WRNIP1: variants seen among roughly 807,000 people sequenced by gnomAD.
WRNIP1 encodes the protein ATPase WRNIP1.
WRNIP1 carries 41 observed loss-of-function variants against 56.1 expected under a neutral mutation model. The observed-to-expected ratio is 0.73, with a 90% CI of 0.57 to 0.95. The LOEUF (loss-of-function observed/expected upper bound fraction) is 0.95. WRNIP1 is among the 40% of genes least tolerant of loss of function. The pLI, the probability that WRNIP1 is intolerant of heterozygous loss-of-function variation, is 0.00. For missense variants in WRNIP1, 1,170 were observed against 939.4 expected (o/e 1.25, Z -3.21); for synonymous variants, 547 against 398.1 (o/e 1.37, Z -4.45).
At chr6:2,773,676 G>C in intron 3 of WRNIP1, 8 of 985,328 alleles carry the variant, frequency 8.1e-6, no homozygotes, top group Non-Finnish European at 9.6e-6. Flanking sequence ...AAATGAAAAA[G>C]TAAGCTAGCA....
intron 4 of WRNIP1, among the ~76,000 whole-genome samples, chr6:2,780,017 ATC>A (rs1312000261): frequency 1.3e-5 from 2 of 151,916 alleles, no homozygotes; most frequent in African/African-American, 4.9e-5. Context: ...GTGTGCACTT[ATC>A]TGTTTTTGTA....
intron 2 of WRNIP1, among the ~76,000 whole-genome samples, chr6:2,769,672 A>G (rs1765192060): frequency 6.6e-6 from 1 of 152,174 alleles, no homozygotes; most frequent in Admixed American, 6.5e-5. Flanking sequence ...TCCCCATAAA[A>G]CAGCATAATA....
In WRNIP1 at chr6:2,770,290, C is replaced by G; in HGVS notation, c.1185C>G (p.Ser395=). ...MVTILMRAIN[S]LGIHVLDSSR... is the part of the protein sequence containing the mutation. The stretch of plus-strand genomic sequence containing the variant: ...CTATTTTAATGCGAGCGATCAACTC[C>G]CTGGGAATCCACGTCCTAGACTCTA... Residue 395 remains serine (S), a synonymous_variant, in exon 3 of 7, where the codon TCC becomes TCG. Coordinates refer to ENST00000380773, the MANE Select transcript of WRNIP1 (RefSeq NM_020135.3). 1 of 1,614,138 alleles carries G rather than the reference C, an allele frequency of 6.2e-7. No homozygotes were observed. The highest frequency in any genetic ancestry group is 8.5e-7 in the Non-Finnish European group (1 of 1,180,018).
chr6:2,765,530 C>CG lies in WRNIP1; in HGVS notation c.-92dup. 1 of 1,304,784 alleles carries CG rather than the reference C, an allele frequency of 7.7e-7. No homozygotes were observed. Among genetic ancestry groups the CG allele is most frequent in the South Asian group, 2.1e-5 (1 of 48,480 alleles). 80.8% of individuals were successfully genotyped at this position (1,304,784 alleles called of 1,614,324 possible). A position where few individuals can be genotyped will look rare whatever the true frequency, so the allele number is the denominator to read the frequency against. ...CTGCTGGTTCCCCGAGCGAGGGTCTCGCGGCGCGGGGCCTAGCGGAGGGCA... is the reference window on the plus strand; with the variant it reads ...CTGCTGGTTCCCCGAGCGAGGGTCTCGGCGGCGCGGGGCCTAGCGGAGGGCA... On this transcript the variant is annotated 5_prime_UTR_variant, in exon 1 of 7. The change abolishes the stop of an existing upstream ORF in the 5' untranslated region. Transcript: ENST00000380773.
chr6:2,773,166 T>G (rs1313391748), intron 3 of WRNIP1: 1 of 985,312 alleles, frequency 1.0e-6, no homozygotes, highest in Non-Finnish European at 1.2e-6. Flanking sequence ...CCCATTAAAG[T>G]GAAATAAGTG....
At chr6:2,781,890 A>G (rs543657945) in intron 4 of WRNIP1, among the ~76,000 whole-genome samples, 1 of 152,332 alleles carries the variant, frequency 6.6e-6, no homozygotes, top group East Asian at 1.9e-4. Context: ...CCTGAGGCAC[A>G]GTGAGGATCA....
At position 2,768,760 on chromosome 6, in the gene WRNIP1, A is replaced by G. The variant is rs1765145461; in HGVS notation, c.892A>G (p.Thr298Ala). Residue 298 changes from threonine (T) to alanine (A), a missense_variant, in exon 2 of 7, where the codon ACA becomes GCA. Physicochemically the swap from Thr to Ala is moderately conservative, Grantham distance 58. Transcript: ENST00000380773. ...HSIRFVTLSA[T>A]NAKTNDVRDV... ...CATAAGGTTTGTGACATTATCTGCAACAAATGCCAAGACAAATGATGTGCG... is the reference window on the plus strand; with the variant it reads ...CATAAGGTTTGTGACATTATCTGCAGCAAATGCCAAGACAAATGATGTGCG... The G allele has an allele frequency of 1.9e-6, 3 of 1,613,940 alleles. No individual in the cohort carries two copies. Among genetic ancestry groups the G allele is most frequent in the Non-Finnish European group, 2.5e-6 (3 of 1,179,958 alleles).
At chr6:2,777,014 C>G (rs769884043) in intron 3 of WRNIP1, among the ~76,000 whole-genome samples, 7 of 151,970 alleles carry the variant, frequency 4.6e-5, no homozygotes, top group Non-Finnish European at 7.4e-5. Flanking sequence ...AAAATATGGT[C>G]CCAGTTTTTG....
Position 2,766,285 on chromosome 6 carries a change from G to T in WRNIP1, c.663G>T (p.Met221Ile), listed in dbSNP as rs1764978315. 2 of 1,594,478 alleles carry T rather than the reference G, an allele frequency of 1.3e-6. No homozygotes were observed. Among genetic ancestry groups the T allele is most frequent in the Non-Finnish European group, 1.7e-6 (2 of 1,171,900 alleles). Residue 221 changes from methionine (M) to isoleucine (I), a missense_variant, in exon 1 of 7, where the codon ATG becomes ATT. Coordinates refer to ENST00000380773, the MANE Select transcript of WRNIP1 (RefSeq NM_020135.3). ...TGGCTGCCGAGGAGATCCGACAGAT[G>T]CTACAGGGCAAGCCGCTGGCCGACA... Reference protein sequence around the residue: ...RALAAEEIRQMLQGKPLADTM... With the variant: ...RALAAEEIRQILQGKPLADTM...
intron 5 of WRNIP1, 92 bp downstream of exon 5, chr6:2,783,653 T>TTTTTTTTGGGGG: frequency 1.2e-4 from 15 of 120,100 alleles, no homozygotes; most frequent in Admixed American, 5.7e-4. Context: ...TTTTTTTTTT[T>TTTTTTTTGGGGG]GCAGGGCGGG....
Position 2,770,214 on chromosome 6 carries a change from G to A in WRNIP1, c.1109G>A (p.Ser370Asn). The stretch of plus-strand genomic sequence containing the variant: ...TTCCAGGTCAACGCTGCTCTTCTGA[G>A]CCGCTGTCGAGTGATTGTTCTTGAG... Reference protein sequence around the residue: ...PSFQVNAALLSRCRVIVLEKL... With the variant: ...PSFQVNAALLNRCRVIVLEKL... The change falls in exon 3 of 7, where the codon AGC becomes AAC. Residue 370 changes from serine to asparagine, a missense_variant. Coordinates refer to ENST00000380773, the MANE Select transcript of WRNIP1 (RefSeq NM_020135.3). The A allele has an allele frequency of 6.2e-7, 1 of 1,614,214 alleles. No homozygotes were observed. The highest frequency in any genetic ancestry group is 8.5e-7 in the Non-Finnish European group (1 of 1,180,036).
intron 3 of WRNIP1, 131 bp downstream of exon 3, chr6:2,770,492 G>A (rs1561910435): frequency 7.6e-7 from 1 of 1,307,642 alleles, no homozygotes; most frequent in Non-Finnish European, 1.0e-6. Flanking sequence ...CGCCCGTAAT[G>A]AAAATAAAAG....
Position 2,783,858 on chromosome 6 carries a change from A to G in WRNIP1, c.1642+297A>G, listed in dbSNP as rs1167138814. The stretch of plus-strand genomic sequence containing the variant: ...ATGAGTGGCTATTCAGAGTATTGCA[A>G]TAGATGAGCTGCTTTTAAATTTGCT... On this transcript the variant is annotated intron_variant, in intron 5 of 6. Coordinates refer to ENST00000380773, the MANE Select transcript of WRNIP1 (RefSeq NM_020135.3). Among the ~76,000 whole-genome samples, 16 of 152,104 alleles carry G rather than the reference A, an allele frequency of 1.1e-4. 1 individual carries two copies. Among genetic ancestry groups the G allele is most frequent in the Non-Finnish European group, 8.8e-5 (6 of 68,032 alleles).
At chr6:2,778,377 A>G (rs1460726891) in intron 3 of WRNIP1, among the ~76,000 whole-genome samples, 1 of 152,218 alleles carries the variant, frequency 6.6e-6, no homozygotes, top group Admixed American at 6.5e-5. Flanking sequence ...AGACCCCACT[A>G]AGTTATGAAA....
At chr6:2,772,945 TTGG>T (rs1765342575) in intron 3 of WRNIP1, 1 of 983,378 alleles carries the variant, frequency 1.0e-6, no homozygotes, top group African/African-American at 1.7e-5. Flanking sequence ...CAGGAAGCTA[TTGG>T]TGTGCATTTG....
Position 2,766,002 on chromosome 6 carries a change from C to G in WRNIP1, c.380C>G (p.Pro127Arg). 1 of 1,360,004 alleles carries G rather than the reference C, an allele frequency of 7.4e-7. No homozygotes were observed. Among genetic ancestry groups the G allele is most frequent in the Non-Finnish European group, 9.5e-7 (1 of 1,054,554 alleles). 84.2% of individuals were successfully genotyped at this position (1,360,004 alleles called of 1,614,324 possible). ...GGCGCCCGCCTTATCCCCGACTTCCCGGTGGCCCGCTCCAGCAGCCCCGGG... is the reference window on the plus strand; with the variant it reads ...GGCGCCCGCCTTATCCCCGACTTCCGGGTGGCCCGCTCCAGCAGCCCCGGG... ...PSGARLIPDF[P>R]VARSSSPGRK... Residue 127 changes from proline (P) to arginine (R), a missense_variant, in exon 1 of 7, where the codon CCG (proline) becomes CGG (arginine). Pro to Arg is a moderately radical substitution (Grantham distance 103). Coordinates refer to ENST00000380773, the MANE Select transcript of WRNIP1 (RefSeq NM_020135.3).
chr6:2,766,214 A>G lies in WRNIP1; in HGVS notation c.592A>G (p.Thr198Ala). The change falls in exon 1 of 7, where the codon ACC becomes GCC. Residue 198 changes from threonine (T) to alanine (A), a missense_variant. Physicochemically the swap from Thr to Ala is moderately conservative, Grantham distance 58. Transcript: ENST00000380773. ...HWDADAAEAA[T>A]AFGASGGGRP... is the part of the protein sequence containing the mutation. ...GGACGCGGACGCTGCCGAAGCCGCC[A>G]CCGCCTTCGGGGCCAGTGGCGGGGG... is the stretch of plus-strand genomic sequence containing the variant. The G allele has an allele frequency of 2.7e-6, 4 of 1,469,994 alleles. No homozygotes were observed. The highest frequency in any genetic ancestry group is 1.3e-5 in the South Asian group (1 of 74,764). 91.1% of individuals were successfully genotyped at this position (1,469,994 alleles called of 1,614,324 possible).
At chr6:2,768,629 T>C in intron 1 of WRNIP1, 62 bp from the exon 2 acceptor site, 1 of 1,413,060 alleles carries the variant, frequency 7.1e-7, no homozygotes, top group Non-Finnish European at 9.5e-7. Flanking sequence ...GTGGTTCCCA[T>C]GGGTGCTGGT....
rs58718113 is a variant in WRNIP1, at chr6:2,786,691, ATTAC to A, written c.*1412_*1415del. On this transcript the variant is annotated 3_prime_UTR_variant, in exon 7 of 7. Transcript: ENST00000380773. ...GCTAGTAATAAATTGTAGGTAAGAA[ATTAC>A]TTGTGCATTGTTTTACACTTTCCCA... 56,603 of 151,300 alleles carry A rather than the reference ATTAC, an allele frequency of 0.37. 12,732 individuals carry two copies. Among genetic ancestry groups the A allele is most frequent in the East Asian group, 0.69 (3,534 of 5,122 alleles). 9.4% of individuals were successfully genotyped at this position (151,300 alleles called of 1,614,324 possible). A position where few individuals can be genotyped will look rare whatever the true frequency, so the allele number is the denominator to read the frequency against.
Sources: allele counts gnomAD v4.1 joint callset (sites outside exome capture counted in the v4.1 genomes callset), GRCh38; gene constraint gnomAD v4.1.1; transcripts MANE v1.5; gene names NCBI Gene and HGNC (gene_info 2026-07-23, HGNC 2026-07-21).